The following GALNT17 variants were observed in gnomAD, a reference collection of about 807,000 sequenced individuals.
GALNT17 encodes UDP-GalNAc:polypeptide N-acetylgalactosaminyltransferase-like 3.
Under a neutral mutation model 63.7 loss-of-function variants are expected in GALNT17, and 29 were observed. The observed-to-expected ratio is 0.46, with a 90% confidence interval of 0.34 to 0.62. GALNT17 has a LOEUF of 0.62. Among genes scored for constraint, GALNT17 ranks in the 20% least tolerant of loss-of-function variants. The pLI, the probability that GALNT17 is intolerant of heterozygous loss-of-function variation, is 0.01. For missense variants in GALNT17, 603 were observed against 799.6 expected (o/e 0.75, Z 2.97); for synonymous variants, 305 against 318.3 (o/e 0.96, Z 0.45).
intron 5 of GALNT17, among the ~76,000 whole-genome samples, chr7:71,454,642 A>T (rs544740701): frequency 6.6e-6 from 1 of 152,266 alleles, no homozygotes; most frequent in African/African-American, 2.4e-5. Context: ...AAATGTATGT[A>T]TTTAATAAGC....
chr7:71,368,247 C>T (rs1035152772), intron 2 of GALNT17, among the ~76,000 whole-genome samples: 1 of 152,220 alleles, frequency 6.6e-6, no homozygotes, highest in African/African-American at 2.4e-5. Context: ...CTTCCCATGA[C>T]TGGAGGATCA....
chr7:71,385,095 A>G (rs1032335939), intron 2 of GALNT17, among the ~76,000 whole-genome samples: 3 of 152,186 alleles, frequency 2.0e-5, no homozygotes, highest in Non-Finnish European at 4.4e-5. Context: ...ATGTTAGGGC[A>G]GAGACTGAGG....
chr7:71,513,412 G>A (rs1262891632), intron 5 of GALNT17, among the ~76,000 whole-genome samples: 2 of 151,770 alleles, frequency 1.3e-5, no homozygotes, highest in Admixed American at 1.3e-4. Flanking sequence ...TTGAGACTGA[G>A]TCCTGCTGTG....
At chr7:71,544,456 C>T (rs961996942) in intron 5 of GALNT17, among the ~76,000 whole-genome samples, 1 of 152,024 alleles carries the variant, frequency 6.6e-6, no homozygotes, top group Non-Finnish European at 1.5e-5. Flanking sequence ...CATGATTTCA[C>T]GCCTACCCTA....
At chr7:71,711,658 TTATC>T (rs1183356173) in intron 10 of GALNT17, among the ~76,000 whole-genome samples, 1 of 150,422 alleles carries the variant, frequency 6.6e-6, no homozygotes, top group Non-Finnish European at 1.5e-5. Context: ...TCTCTCCCCT[TTATC>T]TTTCTCTTTT....
intron 1 of GALNT17, among the ~76,000 whole-genome samples, chr7:71,295,399 C>A (rs1791059186): frequency 6.6e-6 from 1 of 152,072 alleles, no homozygotes; most frequent in South Asian, 2.1e-4. Flanking sequence ...GAGTTTGAAG[C>A]CTGCCTTTCT....
At chr7:71,137,046 C>T (rs1787796960) in intron 1 of GALNT17, among the ~76,000 whole-genome samples, 1 of 149,978 alleles carries the variant, frequency 6.7e-6, no homozygotes, top group African/African-American at 2.5e-5. Flanking sequence ...CCCCACACCC[C>T]ACCTCAGGCC....
intron 1 of GALNT17, among the ~76,000 whole-genome samples, chr7:71,330,621 C>A (rs1021458632): frequency 6.6e-6 from 1 of 151,452 alleles, no homozygotes; most frequent in Admixed American, 6.6e-5. Context: ...AGGCTCCTCT[C>A]CAACTCCTGG....
intron 6 of GALNT17, among the ~76,000 whole-genome samples, chr7:71,617,330 GT>G (rs201899143): frequency 8.6e-5 from 12 of 139,404 alleles, no homozygotes; most frequent in East Asian, 2.0e-4. Flanking sequence ...TGGTTTTTTT[GT>G]TTTTTTTTTT....
At position 71,505,353 on chromosome 7, in the gene GALNT17, C is replaced by G. The variant is rs185364517; in HGVS notation, c.963-65932C>G. Among the ~76,000 whole-genome samples the G allele has an allele frequency of 8.7e-4, 133 of 152,220 alleles. 6 individuals carry two copies. In the South Asian group the frequency reaches 0.015, roughly 17 times the overall value. On this transcript the variant is annotated intron_variant, in intron 5 of 10. Coordinates refer to ENST00000333538, the MANE Select transcript of GALNT17 (RefSeq NM_022479.3). ...GTGGCTCACACCTGTAATTCTAATA[C>G]CTTGGGTGGCTAAGGTGGGAGGATC...
At chr7:71,354,233 C>A (rs1792241686) in intron 2 of GALNT17, among the ~76,000 whole-genome samples, 2 of 152,092 alleles carry the variant, frequency 1.3e-5, no homozygotes, top group Non-Finnish European at 2.9e-5. Flanking sequence ...GCATGGTAGT[C>A]AATTATGTTT....
chr7:71,629,065 G>C (rs2116985537), intron 6 of GALNT17, among the ~76,000 whole-genome samples: 1 of 152,306 alleles, frequency 6.6e-6, no homozygotes, highest in South Asian at 2.1e-4. Context: ...GCAGGGCCTA[G>C]AAGAGGGGTC....
chr7:71,503,262 C>T (rs1369714170), intron 5 of GALNT17, among the ~76,000 whole-genome samples: 1 of 152,080 alleles, frequency 6.6e-6, no homozygotes, highest in Non-Finnish European at 1.5e-5. Context: ...CTTTTCTGAG[C>T]CAGGGTCTCG....
chr7:71,513,426 C>A (rs568742382), intron 5 of GALNT17, among the ~76,000 whole-genome samples: 418 of 151,984 alleles, frequency 2.8e-3, no homozygotes, highest in Middle Eastern at 0.01. Context: ...TGCTGTGTCG[C>A]CCAGGCTGGA....
intron 2 of GALNT17, among the ~76,000 whole-genome samples, chr7:71,383,653 T>C (rs1364748991): frequency 1.3e-5 from 2 of 152,144 alleles, no homozygotes; most frequent in Non-Finnish European, 2.9e-5. Flanking sequence ...AAGCTGGTCT[T>C]GAACTCCTGG....
chr7:71,454,653 TATAGGAGGAGTC>T (rs1787323083), intron 5 of GALNT17, among the ~76,000 whole-genome samples: 1 of 152,106 alleles, frequency 6.6e-6, no homozygotes, highest in Non-Finnish European at 1.5e-5. Context: ...TTTAATAAGC[TATAGGAGGAGTC>T]ATAAATATTT....
intron 6 of GALNT17, among the ~76,000 whole-genome samples, chr7:71,607,059 C>A (rs1021882368): frequency 2.6e-5 from 4 of 152,108 alleles, no homozygotes; most frequent in Non-Finnish European, 5.9e-5. Context: ...GTAATCCCAG[C>A]ACTTTGGGAG....
At chr7:71,567,646 G>A (rs1032270849) in intron 5 of GALNT17, among the ~76,000 whole-genome samples, 2 of 152,120 alleles carry the variant, frequency 1.3e-5, no homozygotes, top group Admixed American at 6.6e-5. Flanking sequence ...TGTATCTTTA[G>A]TAGAGACGGG....
At chr7:71,486,634 T>C (rs1787914593) in intron 5 of GALNT17, among the ~76,000 whole-genome samples, 1 of 151,178 alleles carries the variant, frequency 6.6e-6, no homozygotes, top group Non-Finnish European at 1.5e-5. Flanking sequence ...GGCAGGCGGA[T>C]TGCTTGAGCC....
Sources: gnomAD v4.1 joint callset for allele counts (sites outside exome capture counted in the v4.1 genomes callset) on GRCh38, gnomAD v4.1.1 for gene constraint, MANE v1.5 for transcripts, NCBI Gene and HGNC (gene_info 2026-07-23, HGNC 2026-07-21) for gene names.